GAB2: variants seen among roughly 807,000 people sequenced by gnomAD.
GAB2 encodes the protein GRB2-associated-binding protein 2.
A neutral mutation model predicts 65.5 loss-of-function variants in GAB2; 26 were observed. That is an observed-to-expected ratio of 0.40 (90% CI 0.29 to 0.55). The LOEUF (loss-of-function observed/expected upper bound fraction) is 0.55, where lower values mean the gene tolerates loss of function less well. Among genes scored for constraint, GAB2 ranks in the 20% least tolerant of loss-of-function variants. The probability of loss-of-function intolerance (pLI) is 0.53; values close to 1 mark genes in which losing one functional copy is unlikely to be tolerated. For synonymous variants in GAB2, 321 were observed against 329.6 expected, an observed-to-expected ratio of 0.97 and a Z score of 0.28; for missense variants, 884 against 875.8, an observed-to-expected ratio of 1.01 and a Z score of -0.12.
chr11:78,309,159 A>T (rs1372938379), intron 1 of GAB2, among the ~76,000 whole-genome samples: 1 of 152,234 alleles, frequency 6.6e-6, no homozygotes, highest in African/African-American at 2.4e-5. Context: ...GCCAGATAAA[A>T]GTTTCAAGCT....
At chr11:78,240,680 T>C (rs942127843) in intron 3 of GAB2, among the ~76,000 whole-genome samples, 5 of 152,184 alleles carry the variant, frequency 3.3e-5, no homozygotes, top group African/African-American at 7.2e-5. Flanking sequence ...TTGAGCCTTA[T>C]TGACTCAGGT....
chr11:78,349,944 A>C (rs1368051974), intron 1 of GAB2, among the ~76,000 whole-genome samples: 1 of 152,190 alleles, frequency 6.6e-6, no homozygotes, highest in Non-Finnish European at 1.5e-5. Context: ...AAAAAGAAAA[A>C]AAAAAGAAAG....
At chr11:78,285,163 C>G (rs1866443326) in intron 1 of GAB2, among the ~76,000 whole-genome samples, 1 of 152,214 alleles carries the variant, frequency 6.6e-6, no homozygotes, top group Admixed American at 6.5e-5. Flanking sequence ...TTAAAAAGAT[C>G]TGTTTCTAGT....
rs1866012286 is a variant in GAB2 at position 78,271,703 on chromosome 11, A to AAAAAGGTAGTCAGGC, written c.376+8883_376+8897dup. 3.3e-5 allele frequency among the ~76,000 whole-genome samples: 5 copies of AAAAAGGTAGTCAGGC among 152,246 alleles called. No individual in the cohort carries two copies. In the South Asian group the frequency reaches 1.0e-3, roughly 31 times the overall value. ...ATGAGTCCTATCACAACTCTTTAAA[A>AAAAAGGTAGTCAGGC]AAAAGGTAGTCAGGCACAGTGGTTC... is the stretch of plus-strand genomic sequence containing the variant. On this transcript the variant is annotated intron_variant, in intron 2 of 9. Transcript: ENST00000361507.
chr11:78,324,864 C>G (rs1855794726), intron 1 of GAB2: 1 of 152,062 alleles, frequency 6.6e-6, no homozygotes, highest in Non-Finnish European at 1.5e-5. Context: ...TGGTTATGGC[C>G]AGCTAATCTA....
At chr11:78,353,880 AAAAT>A (rs1350359489) in intron 1 of GAB2, among the ~76,000 whole-genome samples, 1 of 152,244 alleles carries the variant, frequency 6.6e-6, no homozygotes, top group Non-Finnish European at 1.5e-5. Flanking sequence ...ACTGAACTAC[AAAAT>A]AAAGAAGTGG....
rs866978204 is a variant in GAB2, at chr11:78,250,013, G to A, written c.620+144C>T. 4.4e-5 allele frequency: 38 copies of A among 863,026 alleles called. 1 individual carries two copies. The Middle Eastern group carries it at 1.1e-3, about 25-fold the overall frequency. The allele number at this position is 863,026 out of a possible 1,614,324, so 53.5% of individuals were successfully genotyped here. On this transcript the variant is annotated intron_variant, in intron 3 of 9. Transcript: ENST00000361507. ...CCAATAAAATATGAAGGCTACAGAA[G>A]CAAAAAATTATGTTTTGTCATAGAC...
chr11:78,260,475 C>T (rs1247239869), intron 2 of GAB2, among the ~76,000 whole-genome samples: 1 of 145,902 alleles, frequency 6.9e-6, no homozygotes, highest in Non-Finnish European at 1.5e-5. Context: ...CCTTCTAAAT[C>T]TTTTTTTTTT....
At chr11:78,362,241 G>A (rs1003365962) in intron 1 of GAB2, among the ~76,000 whole-genome samples, 2 of 151,972 alleles carry the variant, frequency 1.3e-5, no homozygotes, top group Non-Finnish European at 2.9e-5. Flanking sequence ...AATACACCAG[G>A]TTATTAGAAA....
chr11:78,342,068 T>C (rs989938008), intron 1 of GAB2, among the ~76,000 whole-genome samples: 1 of 152,208 alleles, frequency 6.6e-6, no homozygotes, highest in African/African-American at 2.4e-5. Flanking sequence ...ACCTCCCCTA[T>C]TGATGCACAG....
chr11:78,232,965 G>C (rs928017653), intron 3 of GAB2, among the ~76,000 whole-genome samples: 1 of 151,052 alleles, frequency 6.6e-6, no homozygotes, highest in Non-Finnish European at 1.5e-5. Flanking sequence ...AGAGCACCTA[G>C]TATATAATGT....
chr11:78,300,516 T>TAAAAAAAAAAAAAAA (rs138790128), intron 1 of GAB2, among the ~76,000 whole-genome samples: 51 of 142,808 alleles, frequency 3.6e-4, no homozygotes, highest in African/African-American at 1.3e-3. Context: ...TTTAATTTTA[T>TAAAAAAAAAAAAAAA]AAAAAAACAA....
intron 5 of GAB2, among the ~76,000 whole-genome samples, 187 bp downstream of exon 5, chr11:78,224,921 G>C (rs926228620): frequency 1.3e-5 from 2 of 152,086 alleles, no homozygotes; most frequent in Non-Finnish European, 2.9e-5. Flanking sequence ...ATTTCTTCCA[G>C]ACTAGAATAC....
chr11:78,332,862 T>G (rs2134679537), intron 1 of GAB2, among the ~76,000 whole-genome samples: 1 of 152,344 alleles, frequency 6.6e-6, no homozygotes, highest in East Asian at 1.9e-4. Flanking sequence ...CCCTAGAGTC[T>G]GAGCAGAAAT....
At chr11:78,238,597 C>T (rs1248927359) in intron 3 of GAB2, among the ~76,000 whole-genome samples, 2 of 147,344 alleles carry the variant, frequency 1.4e-5, no homozygotes, top group African/African-American at 5.0e-5. Context: ...GAACAAAGTT[C>T]TTGGACCTTT....
chr11:78,411,104 G>A (rs1161225187), intron 1 of GAB2, among the ~76,000 whole-genome samples: 1 of 146,154 alleles, frequency 6.8e-6, no homozygotes, highest in East Asian at 2.1e-4. Context: ...AGTGAGCCAT[G>A]ATTGTGCCAC....
At chr11:78,415,178 TTAAG>T (rs748023271) in intron 1 of GAB2, among the ~76,000 whole-genome samples, 16 of 152,204 alleles carry the variant, frequency 1.1e-4, no homozygotes, top group Non-Finnish European at 1.9e-4. Flanking sequence ...AGACTTCAAA[TTAAG>T]TCAGTTTTTT....
At chr11:78,309,927 TGTGTG>T (rs1487076691) in intron 1 of GAB2, among the ~76,000 whole-genome samples, 36 of 14,144 alleles carry the variant, frequency 2.5e-3, no homozygotes, top group African/African-American at 2.8e-3. Flanking sequence ...GGGTTAGAAA[TGTGTG>T]TGTGTGTGTG....
intron 1 of GAB2, among the ~76,000 whole-genome samples, chr11:78,383,031 G>A (rs1485985872): frequency 6.6e-6 from 1 of 152,150 alleles, no homozygotes; most frequent in Non-Finnish European, 1.5e-5. Context: ...CTGGCACTTT[G>A]GGAGGCCAAG....
Sources: allele counts gnomAD v4.1 joint callset (sites outside exome capture counted in the v4.1 genomes callset), GRCh38; gene constraint gnomAD v4.1.1; transcripts MANE v1.5; gene names NCBI Gene and HGNC (gene_info 2026-07-23, HGNC 2026-07-21).